Variants in GPC5 observed in about 807,000 individuals in gnomAD.
The protein encoded by GPC5 is glypican 5.
In GPC5, 47 loss-of-function variants were observed where a neutral mutation model predicts 53.9. That is an observed-to-expected ratio of 0.87 (90% CI 0.69 to 1.11). The LOEUF (loss-of-function observed/expected upper bound fraction) is 1.11, where lower values mean the gene tolerates loss of function less well. GPC5 is among the 50% of genes most tolerant of loss of function. The pLI is 0.00. For missense variants in GPC5, 748 were observed against 713.1 expected (o/e 1.05, Z -0.56); for synonymous variants, 286 against 263.3 (o/e 1.09, Z -0.84).
At chr13:92,138,295 C>T (rs1006246513) in intron 6 of GPC5, among the ~76,000 whole-genome samples, 9 of 151,932 alleles carry the variant, frequency 5.9e-5, no homozygotes, top group African/African-American at 2.2e-4. Context: ...CCAAGGTGGG[C>T]AGATCACTAG....
Position 91,953,950 on chromosome 13 carries a change from G to A in GPC5, c.1401+45893G>A, listed in dbSNP as rs140838420. ...GGAGAACACAGACATTTGGACAATG[G>A]CAAAGATATAAAGAATAACTCTATG... On this transcript the variant is annotated intron_variant, in intron 6 of 7. Coordinates refer to ENST00000377067, the MANE Select transcript of GPC5 (RefSeq NM_004466.6). Among the ~76,000 whole-genome samples the A allele has an allele frequency of 2.7e-3, 408 of 152,190 alleles. 1 individual carries two copies. The highest frequency in any genetic ancestry group is 9.4e-3 in the African/African-American group (392 of 41,526).
intron 5 of GPC5, among the ~76,000 whole-genome samples, chr13:91,887,352 T>G (rs774879550): frequency 6.6e-6 from 1 of 152,168 alleles, no homozygotes; most frequent in Non-Finnish European, 1.5e-5. Context: ...AAAACATTTT[T>G]TCCTCCTAGG....
chr13:92,864,511 T>C (rs771870171), intron 7 of GPC5, among the ~76,000 whole-genome samples: 4 of 152,092 alleles, frequency 2.6e-5, no homozygotes, highest in Admixed American at 6.6e-5. Flanking sequence ...TTCACAATGC[T>C]TAAAAATGAA....
intron 2 of GPC5, among the ~76,000 whole-genome samples, chr13:91,568,909 C>A (rs1229369811): frequency 6.6e-6 from 1 of 151,920 alleles, no homozygotes; most frequent in Non-Finnish European, 1.5e-5. Flanking sequence ...CCATCACACC[C>A]AACTAATTTT....
At chr13:92,150,688 T>G (rs1593934044) in intron 7 of GPC5, among the ~76,000 whole-genome samples, 1 of 152,074 alleles carries the variant, frequency 6.6e-6, no homozygotes, top group Non-Finnish European at 1.5e-5. Flanking sequence ...TGGCTTAGAC[T>G]GATGTTAAAT....
At chr13:91,543,146 G>A (rs1019913618) in intron 2 of GPC5, among the ~76,000 whole-genome samples, 1 of 151,878 alleles carries the variant, frequency 6.6e-6, no homozygotes, top group Non-Finnish European at 1.5e-5. Flanking sequence ...GTGAGCCACC[G>A]AGCCTGGCCA....
Position 91,693,662 on chromosome 13 carries a change from T to G in GPC5, c.801T>G (p.Thr267=), listed in dbSNP as rs1345887750. ...YCPHCQGLAL[T]KPCMGYCLNV... is the part of the protein sequence containing the mutation. ...CGCACTGCCAAGGCCTGGCGCTCAC[T>G]AAGCCTTGTATGGGATACTGCCTCA... Residue 267 remains threonine, a synonymous_variant, in exon 3 of 8, where the codon ACT becomes ACG. Transcript: ENST00000377067. The G allele has an allele frequency of 1.2e-6, 2 of 1,614,136 alleles. No individual in the cohort carries two copies. The highest frequency in any genetic ancestry group is 2.2e-5 in the South Asian group (2 of 91,084).
chr13:91,456,881 C>T (rs1278274712), intron 2 of GPC5, among the ~76,000 whole-genome samples: 4 of 148,188 alleles, frequency 2.7e-5, no homozygotes, highest in Admixed American at 2.0e-4. Context: ...TTTGCAAACA[C>T]GTGTCATGGA....
chr13:91,426,161 C>T (rs1879030006), intron 1 of GPC5, among the ~76,000 whole-genome samples: 1 of 152,052 alleles, frequency 6.6e-6, no homozygotes, highest in Non-Finnish European at 1.5e-5. Context: ...AAGCCAGCTG[C>T]AGAAATTTGC....
intron 6 of GPC5, among the ~76,000 whole-genome samples, chr13:92,000,675 G>A (rs1285347490): frequency 6.6e-6 from 1 of 152,146 alleles, no homozygotes; most frequent in Non-Finnish European, 1.5e-5. Flanking sequence ...ATCCTCTGGG[G>A]AACACACTGA....
At chr13:91,884,826 C>G (rs2039304953) in intron 5 of GPC5, among the ~76,000 whole-genome samples, 1 of 152,124 alleles carries the variant, frequency 6.6e-6, no homozygotes, top group Non-Finnish European at 1.5e-5. Context: ...TTAATACTAT[C>G]TCAAAATAAA....
chr13:92,103,896 G>A (rs780199114), intron 6 of GPC5, among the ~76,000 whole-genome samples: 3 of 152,066 alleles, frequency 2.0e-5, no homozygotes, highest in Admixed American at 1.3e-4. Flanking sequence ...TCCCAGGAAC[G>A]TAGTGGGGCT....
intron 6 of GPC5, among the ~76,000 whole-genome samples, chr13:92,039,965 G>A (rs1043341602): frequency 5.3e-5 from 8 of 152,054 alleles, no homozygotes; most frequent in African/African-American, 1.2e-4. Context: ...CTGTAATATC[G>A]TTTGAATCAT....
chr13:92,631,541 G>A (rs1885239711), intron 7 of GPC5, among the ~76,000 whole-genome samples: 1 of 152,040 alleles, frequency 6.6e-6, no homozygotes, highest in Admixed American at 6.6e-5. Flanking sequence ...ATAATATATT[G>A]TTCTCTGTAC....
At chr13:91,677,867 C>T (rs1037797679) in intron 2 of GPC5, among the ~76,000 whole-genome samples, 1 of 152,176 alleles carries the variant, frequency 6.6e-6, no homozygotes, top group African/African-American at 2.4e-5. Context: ...GCAAAAATCA[C>T]ATAATTGTTA....
intron 5 of GPC5, among the ~76,000 whole-genome samples, chr13:91,831,021 CATAT>C (rs892859377): frequency 2.3e-5 from 3 of 132,786 alleles, no homozygotes; most frequent in Admixed American, 1.7e-4. Context: ...ATATATATAA[CATAT>C]ATATCCTATT....
intron 6 of GPC5, among the ~76,000 whole-genome samples, chr13:92,080,288 G>A (rs771677662): frequency 8.6e-5 from 13 of 151,878 alleles, no homozygotes; most frequent in African/African-American, 2.4e-4. Context: ...TCCCATTCAC[G>A]TCCATAGCAA....
intron 7 of GPC5, among the ~76,000 whole-genome samples, chr13:92,406,285 T>C (rs1875792918): frequency 6.6e-6 from 1 of 152,228 alleles, no homozygotes; most frequent in Non-Finnish European, 1.5e-5. Context: ...AAACTTTGCA[T>C]TCATTGCTAT....
chr13:92,100,248 C>A (rs2041454951), intron 6 of GPC5, among the ~76,000 whole-genome samples: 1 of 152,010 alleles, frequency 6.6e-6, no homozygotes, highest in African/African-American at 2.4e-5. Context: ...CCTAAAAATA[C>A]AAAAATTAGC....
Sources: allele counts gnomAD v4.1 joint callset (sites outside exome capture counted in the v4.1 genomes callset), GRCh38; gene constraint gnomAD v4.1.1; transcripts MANE v1.5; gene names NCBI Gene and HGNC (gene_info 2026-07-23, HGNC 2026-07-21).